ELAVL2: variants seen among roughly 807,000 people sequenced by gnomAD.
ELAVL2 encodes ELAV-like protein 2.
A neutral mutation model predicts 34.6 loss-of-function variants in ELAVL2; 4 were observed. That is an observed-to-expected ratio of 0.12 (90% confidence interval 0.06 to 0.26). ELAVL2 has a LOEUF of 0.26. Among genes scored for constraint, ELAVL2 ranks in the 10% least tolerant of loss-of-function variants. ELAVL2 has a pLI of 1.00. For missense variants in ELAVL2, 432 were observed against 442.8 expected (o/e 0.98, Z 0.22); for synonymous variants, 193 against 154.8 (o/e 1.25, Z -1.83).
At chr9:23,719,954 T>C (rs935428322) in intron 3 of ELAVL2, among the ~76,000 whole-genome samples, 1 of 151,716 alleles carries the variant, frequency 6.6e-6, no homozygotes, top group African/African-American at 2.4e-5. Flanking sequence ...GCCTCCCCAG[T>C]AGCTGGGTTT....
chr9:23,763,223 A>C (rs917232394), intron 1 of ELAVL2, among the ~76,000 whole-genome samples: 1 of 152,100 alleles, frequency 6.6e-6, no homozygotes, highest in African/African-American at 2.4e-5. Flanking sequence ...CAGATAAAGA[A>C]CAGAATTGGG....
intron 1 of ELAVL2, among the ~76,000 whole-genome samples, chr9:23,787,198 CG>C (rs1346211934): frequency 6.6e-6 from 1 of 151,682 alleles, no homozygotes; most frequent in African/African-American, 2.4e-5. Flanking sequence ...TGCTCTAAGC[CG>C]TTTTAAAGGG....
chr9:23,812,378 A>C (rs2138146268), intron 1 of ELAVL2, among the ~76,000 whole-genome samples: 1 of 152,292 alleles, frequency 6.6e-6, no homozygotes, highest in Admixed American at 6.5e-5. Context: ...CTAAGCTTCA[A>C]GTTAACTAGC....
chr9:23,826,820 C>G (rs1445272683), upstream of ELAVL2, among the ~76,000 whole-genome samples: 1 of 152,062 alleles, frequency 6.6e-6, no homozygotes, highest in African/African-American at 2.4e-5. Flanking sequence ...ATTATTTGCC[C>G]GCATGCCTTT....
chr9:23,777,511 C>G (rs922838404), intron 1 of ELAVL2, among the ~76,000 whole-genome samples: 1 of 152,286 alleles, frequency 6.6e-6, no homozygotes, highest in African/African-American at 2.4e-5. Context: ...TACATCCATC[C>G]TTTGTCAGGC....
At chr9:23,707,617 C>A (rs10491815) in intron 3 of ELAVL2, among the ~76,000 whole-genome samples, 7,515 of 152,290 alleles carry the variant, frequency 0.049, 607 homozygotes, top group African/African-American at 0.17. Context: ...TTAAAGGTAA[C>A]AGCTAATCGG....
At chr9:23,765,541 A>G (rs1448435759) in intron 1 of ELAVL2, among the ~76,000 whole-genome samples, 1 of 152,202 alleles carries the variant, frequency 6.6e-6, no homozygotes, top group African/African-American at 2.4e-5. Context: ...CTCTTTCCCC[A>G]AAATATCAGA....
intron 5 of ELAVL2, among the ~76,000 whole-genome samples, chr9:23,698,058 T>C (rs2035878823): frequency 1.3e-5 from 2 of 152,196 alleles, no homozygotes; most frequent in Non-Finnish European, 2.9e-5. Context: ...AACCAGTACG[T>C]CATGCCTTAA....
At chr9:23,770,537 T>C (rs1374033603) in intron 1 of ELAVL2, among the ~76,000 whole-genome samples, 2 of 152,294 alleles carry the variant, frequency 1.3e-5, no homozygotes, top group East Asian at 1.9e-4. Context: ...AGGTTCCTTA[T>C]AAGTGAAAGA....
At chr9:23,845,152 G>A in the ELAVL2 span, among the ~76,000 whole-genome samples, 1 of 151,580 alleles carries the variant, frequency 6.6e-6, no homozygotes, top group African/African-American at 2.4e-5. Flanking sequence ...TATGTTTTGA[G>A]GAGTTAATTA....
upstream of ELAVL2, among the ~76,000 whole-genome samples, chr9:23,831,119 G>C (rs184023636): frequency 0.011 from 1,678 of 152,290 alleles, 15 homozygotes; most frequent in Non-Finnish European, 0.017. Flanking sequence ...CCCCTTTACC[G>C]GGACCTGGGA....
intron 3 of ELAVL2, among the ~76,000 whole-genome samples, chr9:23,712,237 C>T (rs568807913): frequency 2.0e-5 from 3 of 149,942 alleles, no homozygotes; most frequent in East Asian, 4.0e-4. Context: ...GTAGGACTCG[C>T]GGTCTTAGCT....
chr9:23,804,205 G>A (rs949660069), intron 1 of ELAVL2, among the ~76,000 whole-genome samples: 13 of 149,954 alleles, frequency 8.7e-5, no homozygotes, highest in East Asian at 3.9e-4. Context: ...ACGGCGTCTC[G>A]CTCTGTCGCC....
chr9:23,794,971 CTTATT>C (rs1244798253), intron 1 of ELAVL2, among the ~76,000 whole-genome samples: 1 of 152,074 alleles, frequency 6.6e-6, no homozygotes, highest in Non-Finnish European at 1.5e-5. Flanking sequence ...AATTTCCCAC[CTTATT>C]TTATCTTATG....
chr9:23,690,300 G>A lies in ELAVL2; in HGVS notation c.*2257C>T, dbSNP rs889282108. 1 of 152,530 alleles carries A rather than the reference G, an allele frequency of 6.6e-6. No individual in the cohort carries two copies. Among genetic ancestry groups the A allele is most frequent in the African/African-American group, 2.4e-5 (1 of 41,428 alleles). The allele number at this position is 152,530 out of a possible 1,614,324, so 9.4% of individuals were successfully genotyped here. ...TTATTAAGTGCTCTGATAAAACACT[G>A]TAAAGTGAAGCACAATTTGCATGCC... is the stretch of plus-strand genomic sequence containing the variant. On this transcript the variant is annotated 3_prime_UTR_variant, in exon 7 of 7. Coordinates refer to ENST00000397312, the MANE Select transcript of ELAVL2 (RefSeq NM_004432.5).
chr9:23,759,871 C>G (rs959381667), intron 2 of ELAVL2, among the ~76,000 whole-genome samples: 1 of 148,110 alleles, frequency 6.8e-6, no homozygotes, highest in African/African-American at 2.5e-5. Flanking sequence ...ACTCTACTTG[C>G]TTACCAAATA....
chr9:23,756,091 G>A (rs993078411), intron 2 of ELAVL2, among the ~76,000 whole-genome samples: 2 of 152,048 alleles, frequency 1.3e-5, no homozygotes, highest in South Asian at 4.1e-4. Flanking sequence ...TGTTTAAAAA[G>A]AAGAGAATCC....
chr9:23,734,116 G>C (rs993458322), intron 2 of ELAVL2, among the ~76,000 whole-genome samples: 1 of 152,160 alleles, frequency 6.6e-6, no homozygotes, highest in African/African-American at 2.4e-5. Context: ...GCTATTAAAA[G>C]ACTGCATTCC....
At chr9:23,848,122 T>C in the ELAVL2 span, among the ~76,000 whole-genome samples, 22,188 of 152,040 alleles carry the variant, frequency 0.15, 2,125 homozygotes, top group East Asian at 0.37. Context: ...TGTATACATA[T>C]AGTTCAAAGT....
Sources: gnomAD v4.1 joint callset for allele counts (sites outside exome capture counted in the v4.1 genomes callset) on GRCh38, gnomAD v4.1.1 for gene constraint, MANE v1.5 for transcripts, NCBI Gene and HGNC (gene_info 2026-07-23, HGNC 2026-07-21) for gene names.